Variants in PKP4 observed in about 807,000 individuals in gnomAD.
PKP4 encodes the protein plakophilin 4, also known as plakophilin-4.
A neutral mutation model predicts 145.1 loss-of-function variants in PKP4; 90 were observed. The ratio of observed to expected loss-of-function variants is 0.62; its 90% CI spans 0.52 to 0.74. PKP4 has a LOEUF of 0.74. Among genes scored for constraint, PKP4 ranks in the 30% least tolerant of loss-of-function variants. PKP4 has a pLI of 0.00. For synonymous variants in PKP4, 563 were observed against 577.2 expected (o/e 0.98, Z 0.35); for missense variants, 1,340 against 1,482.7 (o/e 0.90, Z 1.58).
chr2:158,621,834 A>G (rs1403574455), intron 6 of PKP4, among the ~76,000 whole-genome samples: 3 of 152,198 alleles, frequency 2.0e-5, no homozygotes, highest in Admixed American at 2.0e-4. Flanking sequence ...ATAAATGTGT[A>G]CAATTTTTAT....
At chr2:158,566,898 A>G (rs1473976302) in intron 2 of PKP4, among the ~76,000 whole-genome samples, 2 of 152,236 alleles carry the variant, frequency 1.3e-5, no homozygotes, top group East Asian at 3.8e-4. Context: ...GAGAAAAAGT[A>G]AATGAAAATA....
chr2:158,506,297 G>C (rs1011263287), intron 1 of PKP4, among the ~76,000 whole-genome samples: 1 of 152,184 alleles, frequency 6.6e-6, no homozygotes, highest in African/African-American at 2.4e-5. Context: ...GATGAAGAAG[G>C]CCTAAGAGGA....
At chr2:158,597,594 G>T (rs1209094744) in intron 3 of PKP4, among the ~76,000 whole-genome samples, 1 of 152,198 alleles carries the variant, frequency 6.6e-6, no homozygotes, top group African/African-American at 2.4e-5. Flanking sequence ...GGTCACCAGA[G>T]AGAAGGCTAT....
chr2:158,466,675 A>G (rs981481497), intron 1 of PKP4, among the ~76,000 whole-genome samples: 7 of 152,232 alleles, frequency 4.6e-5, no homozygotes, highest in African/African-American at 1.2e-4. Flanking sequence ...ACTGCACTCC[A>G]GCCTGGGTGA....
At chr2:158,593,333 T>C (rs1466109998) in intron 3 of PKP4, among the ~76,000 whole-genome samples, 2 of 152,322 alleles carry the variant, frequency 1.3e-5, no homozygotes, top group East Asian at 3.9e-4. Flanking sequence ...TTCTTTCAAA[T>C]GTCACTTGAA....
intron 4 of PKP4, 63 bp from the exon 5 acceptor site, chr2:158,620,927 C>T (rs2052165503): frequency 1.4e-6 from 2 of 1,470,404 alleles, no homozygotes; most frequent in Admixed American, 3.4e-5. Context: ...ACATCTGAAC[C>T]TTTTTTAGCA....
At chr2:158,540,291 G>A (rs2044402783) in intron 2 of PKP4, among the ~76,000 whole-genome samples, 1 of 152,172 alleles carries the variant, frequency 6.6e-6, no homozygotes, top group African/African-American at 2.4e-5. Context: ...CAGACTCCAT[G>A]TGGCTGTTCA....
intron 8 of PKP4, among the ~76,000 whole-genome samples, chr2:158,632,215 C>T (rs1211584649): frequency 3.3e-5 from 5 of 152,172 alleles, no homozygotes; most frequent in Non-Finnish European, 7.3e-5. Context: ...ATCTGACTCT[C>T]CTCGGGTTAG....
intron 9 of PKP4, among the ~76,000 whole-genome samples, chr2:158,638,465 C>G (rs2053997840): frequency 6.6e-6 from 1 of 152,188 alleles, no homozygotes; most frequent in South Asian, 2.1e-4. Flanking sequence ...GGCAATCTAA[C>G]TCCATATTCT....
intron 2 of PKP4, among the ~76,000 whole-genome samples, chr2:158,559,940 C>T (rs1043735528): frequency 1.3e-5 from 2 of 152,032 alleles, no homozygotes; most frequent in African/African-American, 4.8e-5. Flanking sequence ...GATCTTGGCT[C>T]ACTGCAACCT....
intron 3 of PKP4, among the ~76,000 whole-genome samples, chr2:158,589,828 T>G (rs527406652): frequency 6.6e-6 from 1 of 152,268 alleles, no homozygotes; most frequent in East Asian, 1.9e-4. Context: ...GATGTTTCCT[T>G]AACCCTTCAA....
chr2:158,545,905 TA>T (rs1183707795), intron 2 of PKP4, among the ~76,000 whole-genome samples: 1 of 152,212 alleles, frequency 6.6e-6, no homozygotes, highest in African/African-American at 2.4e-5. Context: ...CAGTGCCTTT[TA>T]AAAATATTTC....
intron 2 of PKP4, among the ~76,000 whole-genome samples, chr2:158,546,182 A>C (rs1330100217): frequency 6.6e-6 from 1 of 152,242 alleles, no homozygotes; most frequent in African/African-American, 2.4e-5. Flanking sequence ...GGTATTAAAT[A>C]AAATGAAAAA....
At chr2:158,676,942 A>C (rs776864763) in intron 20 of PKP4, 75 bp downstream of exon 20, 2 of 1,563,496 alleles carry the variant, frequency 1.3e-6, no homozygotes, top group South Asian at 1.1e-5. Flanking sequence ...GTGGCCTGGG[A>C]AGTAGCCTGT....
chr2:158,474,686 G>A (rs149030549), intron 1 of PKP4, among the ~76,000 whole-genome samples: 17 of 152,258 alleles, frequency 1.1e-4, no homozygotes, highest in African/African-American at 4.1e-4. Flanking sequence ...GTGTAAGGCT[G>A]TTCCATAGTA....
At chr2:158,492,104 G>A (rs1161408050) in intron 1 of PKP4, among the ~76,000 whole-genome samples, 3 of 151,800 alleles carry the variant, frequency 2.0e-5, no homozygotes, top group Non-Finnish European at 4.4e-5. Context: ...CCACTGCACC[G>A]GGCCCCTTTT....
chr2:158,561,633 A>G (rs1157493949), intron 2 of PKP4, among the ~76,000 whole-genome samples: 2 of 152,118 alleles, frequency 1.3e-5, no homozygotes, highest in Non-Finnish European at 2.9e-5. Context: ...AATTTAGACC[A>G]CCTCTGCTCT....
chr2:158,553,467 T>C (rs1409491028), intron 2 of PKP4, among the ~76,000 whole-genome samples: 1 of 152,220 alleles, frequency 6.6e-6, no homozygotes, highest in Non-Finnish European at 1.5e-5. Context: ...GCAAAAATGC[T>C]GCCAGCTTGA....
intron 3 of PKP4, among the ~76,000 whole-genome samples, chr2:158,589,300 A>C (rs1232692339): frequency 6.6e-6 from 1 of 152,102 alleles, no homozygotes; most frequent in East Asian, 1.9e-4. Context: ...GTACACCTGA[A>C]TCTAACATGA....
Sources: allele counts gnomAD v4.1 joint callset (sites outside exome capture counted in the v4.1 genomes callset), GRCh38; gene constraint gnomAD v4.1.1; transcripts MANE v1.5; gene names NCBI Gene and HGNC (gene_info 2026-07-23, HGNC 2026-07-21).